The following SLC27A2 variants were observed in gnomAD, a reference collection of about 807,000 sequenced individuals.
The protein encoded by SLC27A2 is solute carrier family 27 member 2, also known as long-chain fatty acid transport protein 2.
Under a neutral mutation model 60.0 loss-of-function variants are expected in SLC27A2, and 54 were observed. That is an observed-to-expected ratio of 0.90 (90% CI 0.72 to 1.13). The LOEUF is 1.13. Among genes scored for constraint, SLC27A2 ranks in the 50% most tolerant of loss-of-function variants. The probability of loss-of-function intolerance (pLI) is 0.00; values close to 1 mark genes in which losing one functional copy is unlikely to be tolerated. For synonymous variants in SLC27A2, 297 were observed against 297.6 expected (o/e 1.00, Z 0.02); for missense variants, 739 against 777.6 (o/e 0.95, Z 0.59).
At chr15:50,223,294 GT>G in intron 5 of SLC27A2, 135 bp downstream of exon 5, 1 of 578,250 alleles carries the variant, frequency 1.7e-6, no homozygotes, top group East Asian at 3.1e-5. Context: ...ACCAAGAGAA[GT>G]TTTGCTCATT....
intron 8 of SLC27A2, 69 bp from the exon 9 acceptor site, chr15:50,233,799 A>T: frequency 4.3e-6 from 6 of 1,390,896 alleles, no homozygotes; most frequent in Non-Finnish European, 5.8e-6. Flanking sequence ...CTGAGCCCAC[A>T]GTTCTTTGAA....
intron 2 of SLC27A2, among the ~76,000 whole-genome samples, chr15:50,200,766 G>A (rs575119106): frequency 2.6e-4 from 39 of 152,040 alleles, no homozygotes; most frequent in South Asian, 1.9e-3. Context: ...TACAAAAAAC[G>A]TATATAAATT....
chr15:50,216,592 T>TGGG (rs1209803757), intron 4 of SLC27A2, among the ~76,000 whole-genome samples: 1 of 89,016 alleles, frequency 1.1e-5, no homozygotes, highest in Non-Finnish European at 2.5e-5. Flanking sequence ...ATAAAGAAAC[T>TGGG]GTGGTGTGTG....
intron 8 of SLC27A2, among the ~76,000 whole-genome samples, chr15:50,233,048 G>C (rs182574099): frequency 6.6e-6 from 1 of 152,228 alleles, no homozygotes; most frequent in East Asian, 1.9e-4. Flanking sequence ...TCACAAGAAG[G>C]CAGTGGTAAT....
At chr15:50,219,482 G>C (rs1339963701) in intron 4 of SLC27A2, among the ~76,000 whole-genome samples, 3 of 151,372 alleles carry the variant, frequency 2.0e-5, no homozygotes, top group African/African-American at 2.4e-5. Context: ...GCATGAGTAA[G>C]GAGGGGCAGC....
At chr15:50,206,670 GC>G (rs1371498390) in intron 4 of SLC27A2, among the ~76,000 whole-genome samples, 1 of 151,958 alleles carries the variant, frequency 6.6e-6, no homozygotes, top group African/African-American at 2.4e-5. Flanking sequence ...ATTATTGTCT[GC>G]CCCCCCTCGC....
chr15:50,220,880 G>A lies in SLC27A2; in HGVS notation c.973-2085G>A, dbSNP rs373886265. Among the ~76,000 whole-genome samples, 10 of 152,212 alleles carry A rather than the reference G, an allele frequency of 6.6e-5. No homozygotes were observed. The South Asian group carries it at 1.0e-3, about 16-fold the overall frequency. On this transcript the variant is annotated intron_variant, in intron 4 of 9. Transcript: ENST00000267842. ...CGGGAGCTTGGTAATTATAAAGCGG[G>A]GTAGAGTCAGTGACCTAGGGACCAG...
rs868586141 is a variant in SLC27A2 at position 50,182,731 on chromosome 15, C to A, written c.304C>A (p.Arg102Ser). The A allele has an allele frequency of 5.0e-6, 8 of 1,613,760 alleles. No individual in the cohort carries two copies. The highest frequency in any genetic ancestry group is 4.0e-5 in the African/African-American group (3 of 74,936). ...ARALHDHLGL[R>S]QGDCVALLMG... Reference sequence around the variant, plus strand: ...GGCGCTGCACGACCACCTCGGCCTGCGCCAGGGAGACTGCGTGGCGCTCCT... The same window carrying A: ...GGCGCTGCACGACCACCTCGGCCTGAGCCAGGGAGACTGCGTGGCGCTCCT... Residue 102 changes from arginine (R) to serine (S), a missense_variant, in exon 1 of 10, where the codon CGC (arginine) becomes AGC (serine). Arg to Ser is a moderately radical substitution (Grantham distance 110, BLOSUM62 -1). Coordinates refer to ENST00000267842, the MANE Select transcript of SLC27A2 (RefSeq NM_003645.4).
In SLC27A2 at chr15:50,205,312, T is replaced by C; in HGVS notation, c.921T>C (p.Thr307=). ...ATGACTGCAGAAAATACAACGTCAC[T>C]GTCATTCAGTATATCGGTGAACTGC... ...FWDDCRKYNV[T]VIQYIGELLR... is the part of the protein sequence containing the mutation. The change falls in exon 4 of 10, where the codon ACT becomes ACC. Residue 307 remains threonine, a synonymous_variant. Transcript: ENST00000267842. 6.2e-7 allele frequency: 1 copy of C among 1,611,532 alleles called. No homozygotes were observed. Among genetic ancestry groups the C allele is most frequent in the South Asian group, 1.1e-5 (1 of 90,632 alleles).
At chr15:50,229,075 T>TAGA in intron 8 of SLC27A2, 33 bp downstream of exon 8, 1 of 1,423,728 alleles carries the variant, frequency 7.0e-7, no homozygotes, top group Non-Finnish European at 9.9e-7. Flanking sequence ...ACCTAACCCA[T>TAGA]AGAGTAACTG....
chr15:50,217,876 A>T (rs1381705447), intron 4 of SLC27A2, among the ~76,000 whole-genome samples: 1 of 151,982 alleles, frequency 6.6e-6, no homozygotes, highest in Non-Finnish European at 1.5e-5. Context: ...CAACATGGTG[A>T]AACCCCATCT....
chr15:50,234,562 G>C (rs2045337785), intron 9 of SLC27A2, among the ~76,000 whole-genome samples: 1 of 142,740 alleles, frequency 7.0e-6, no homozygotes, highest in Non-Finnish European at 1.5e-5. Context: ...ACTCCAGCCT[G>C]AGCAATGGAG....
At chr15:50,190,376 A>G (rs1443148101) in intron 1 of SLC27A2, among the ~76,000 whole-genome samples, 1 of 152,236 alleles carries the variant, frequency 6.6e-6, no homozygotes, top group East Asian at 1.9e-4. Context: ...TTCCTTTTGG[A>G]CCTTACCTTC....
At chr15:50,229,752 TCA>T (rs2045303976) in intron 8 of SLC27A2, among the ~76,000 whole-genome samples, 1 of 152,148 alleles carries the variant, frequency 6.6e-6, no homozygotes, top group Non-Finnish European at 1.5e-5. Flanking sequence ...TGACAATAAA[TCA>T]CATTAATAAT....
intron 2 of SLC27A2, among the ~76,000 whole-genome samples, chr15:50,199,200 G>A (rs187842915): frequency 1.3e-5 from 2 of 152,186 alleles, no homozygotes; most frequent in African/African-American, 4.8e-5. Context: ...TACAATGCAT[G>A]TTTTCACAGT....
At chr15:50,218,060 C>CA (rs34661754) in intron 4 of SLC27A2, among the ~76,000 whole-genome samples, 16,949 of 64,538 alleles carry the variant, frequency 0.26, 3,832 homozygotes, top group East Asian at 0.52. Flanking sequence ...GACTCTGTCT[C>CA]AAAAAAAAAA....
chr15:50,227,945 G>A (rs181540406), intron 7 of SLC27A2, among the ~76,000 whole-genome samples: 22 of 152,268 alleles, frequency 1.4e-4, no homozygotes, highest in African/African-American at 5.1e-4. Context: ...AACCATTCTG[G>A]ACCTCAGTCC....
At chr15:50,221,226 C>T (rs1022802982) in intron 4 of SLC27A2, among the ~76,000 whole-genome samples, 9 of 151,880 alleles carry the variant, frequency 5.9e-5, no homozygotes, top group African/African-American at 2.2e-4. Context: ...AAATAGATTC[C>T]TACTCAGTCT....
chr15:50,203,031 A>T (rs915668619), intron 3 of SLC27A2, among the ~76,000 whole-genome samples: 18 of 149,366 alleles, frequency 1.2e-4, no homozygotes, highest in Admixed American at 8.0e-4. Context: ...ATATATATAT[A>T]TATATATATA....
Sources: gnomAD v4.1 joint callset for allele counts (sites outside exome capture counted in the v4.1 genomes callset) on GRCh38, gnomAD v4.1.1 for gene constraint, MANE v1.5 for transcripts, NCBI Gene and HGNC (gene_info 2026-07-23, HGNC 2026-07-21) for gene names.